SMARCC2: variants seen among roughly 807,000 people sequenced by gnomAD.
The protein encoded by SMARCC2 is SWI/SNF complex subunit SMARCC2.
Under a neutral mutation model 151.3 loss-of-function variants are expected in SMARCC2, and 15 were observed. The ratio of observed to expected loss-of-function variants is 0.10; its 90% CI spans 0.07 to 0.15. The LOEUF (loss-of-function observed/expected upper bound fraction) is 0.15, where lower values mean the gene tolerates loss of function less well. Among genes scored for constraint, SMARCC2 ranks in the 10% least tolerant of loss-of-function variants. SMARCC2 has a pLI of 1.00. For synonymous variants in SMARCC2, 590 were observed against 609.5 expected (o/e 0.97, Z 0.47); for missense variants, 1,031 against 1,599.7 (o/e 0.64, Z 6.06).
chr12:56,185,374 G>A, intron 3 of SMARCC2: 1 of 397,500 alleles, frequency 2.5e-6, no homozygotes, highest in Non-Finnish European at 4.8e-6. Context: ...GTAGAGACGA[G>A]GTTTCACCAT....
rs751478316 is a variant in SMARCC2 at position 56,181,978 on chromosome 12, GAAGAGGGGATAC to G, written c.708+14_708+25del. On this transcript the variant is annotated intron_variant, in intron 8 of 28. Transcript: ENST00000550164. The stretch of plus-strand genomic sequence containing the variant: ...GACTGTTCCTGGCATTCTTTTTGGG[GAAGAGGGGATAC>G]AAGAAAAGCTCACCTTCCTAGGTTT... 4 of 1,596,606 alleles carry G rather than the reference GAAGAGGGGATAC, an allele frequency of 2.5e-6. No individual in the cohort carries two copies. In the South Asian group the frequency reaches 4.4e-5, roughly 18 times the overall value.
At position 56,171,849 on chromosome 12, in the gene SMARCC2, C is replaced by A; in HGVS notation, c.2015G>T (p.Arg672Leu). The A allele has an allele frequency of 6.2e-7, 1 of 1,614,120 alleles. No homozygotes were observed. The highest frequency in any genetic ancestry group is 8.5e-7 in the Non-Finnish European group (1 of 1,179,990). ...TQDECILHFL[R>L]LPIEDPYLED... ...CAGGTATGGGTCTTCAATGGGAAGA[C>A]GAAGAAAATGCAAGATGCACTCGTC... The change falls in exon 21 of 29, where the codon CGT (arginine) becomes CTT (leucine). Residue 672 changes from arginine (R) to leucine (L), a missense_variant. By Grantham distance (102) the Arg-to-Leu change is moderately radical. Transcript: ENST00000550164. This position sits in a 1 kb window ranked among gnomAD's most constrained non-coding sequence, Gnocchi z 4.2.
chr12:56,181,095 T>G lies in SMARCC2; in HGVS notation c.963A>C (p.Ser321=). The G allele has an allele frequency of 1.2e-6, 2 of 1,611,856 alleles. No homozygotes were observed. ...CACGCTTTGACTTAGTGTAAGGTGT[T>G]GAGGGACTGGGAAGGAAAGAGAGTG... ...AKKKNAKKGP[S]TPYTKSKRGH... is the part of the protein sequence containing the mutation. The change falls in exon 11 of 29, where the codon TCA becomes TCC. Residue 321 remains serine, a synonymous_variant. Coordinates refer to ENST00000550164, the MANE Select transcript of SMARCC2 (RefSeq NM_001330288.2).
intron 11 of SMARCC2, among the ~76,000 whole-genome samples, chr12:56,180,408 C>CATG (rs1875948009): frequency 1.3e-5 from 2 of 149,458 alleles, no homozygotes; most frequent in African/African-American, 4.9e-5. Context: ...CGTGCCCGGC[C>CATG]CTTTTTTTTT....
chr12:56,181,582 A>C lies in SMARCC2; in HGVS notation c.856T>G (p.Ser286Ala), dbSNP rs1308568280. The C allele has an allele frequency of 6.2e-7, 1 of 1,600,250 alleles. No homozygotes were observed. The highest frequency in any genetic ancestry group is 8.5e-7 in the Non-Finnish European group (1 of 1,172,772). The part of the protein sequence containing the change: ...TLTDEVNSPD[S>A]DRRDKKGGNY... The stretch of plus-strand genomic sequence containing the variant: ...CCCCCCTTCTTGTCCCGTCGATCTG[A>C]ATCTGGGCTGTTCACCTATAGGATG... The change falls in exon 10 of 29, where the codon TCA (serine) becomes GCA (alanine). Residue 286 changes from serine (S) to alanine (A), a missense_variant. Coordinates refer to ENST00000550164, the MANE Select transcript of SMARCC2 (RefSeq NM_001330288.2).
rs764369547 is a variant in SMARCC2, at chr12:56,171,776, G to C, written c.2088C>G (p.Pro696=). Residue 696 remains proline, a synonymous_variant, in exon 21 of 29, where the codon CCC becomes CCG. Transcript: ENST00000550164. The surrounding 1 kb of genome is among the most constrained non-coding windows in gnomAD (Gnocchi z 4.2). ...TAACAGGGTTGCCCGACTGACTGAA[G>C]GGGATGGGTTGGTAGGCCAGGGGGC... is the stretch of plus-strand genomic sequence containing the variant. ...SLGPLAYQPI[P]FSQSGNPVMS... 6.2e-7 allele frequency: 1 copy of C among 1,613,404 alleles called. No homozygotes were observed. Among genetic ancestry groups the C allele is most frequent in the Non-Finnish European group, 8.5e-7 (1 of 1,179,620 alleles).
intron 17 of SMARCC2, 23 bp downstream of exon 17, chr12:56,173,673 A>G (rs1874382338): frequency 1.3e-6 from 2 of 1,557,496 alleles, no homozygotes; most frequent in African/African-American, 1.4e-5. Flanking sequence ...AACCCGCCCC[A>G]TCCCCATAGC....
intron 11 of SMARCC2, among the ~76,000 whole-genome samples, chr12:56,180,680 A>G (rs1178907936): frequency 1.3e-5 from 2 of 152,176 alleles, no homozygotes; most frequent in Admixed American, 1.3e-4. Flanking sequence ...CTGGGATTAC[A>G]GTCATAAGCC....
At chr12:56,185,373 A>G in intron 3 of SMARCC2, 1 of 399,484 alleles carries the variant, frequency 2.5e-6, no homozygotes, top group Middle Eastern at 7.7e-4. Flanking sequence ...AGTAGAGACG[A>G]GGTTTCACCA....
Position 56,171,542 on chromosome 12 carries a change from C to G in SMARCC2, c.2186-110G>C. On this transcript the variant is annotated intron_variant, in intron 21 of 28. Coordinates refer to ENST00000550164, the MANE Select transcript of SMARCC2 (RefSeq NM_001330288.2). The surrounding 1 kb of genome is among the most constrained non-coding windows in gnomAD (Gnocchi z 4.2). ...TGTCTTCATCTAAGCTAGTATGGAG[C>G]CTAGACAGGTGCCTGAGCTGAGGCC... The G allele has an allele frequency of 6.6e-7, 1 of 1,522,470 alleles. No homozygotes were observed. The highest frequency in any genetic ancestry group is 9.0e-7 in the Non-Finnish European group (1 of 1,115,576). 94.3% of individuals were successfully genotyped at this position (1,522,470 alleles called of 1,614,324 possible). A position where few individuals can be genotyped will look rare whatever the true frequency, so the allele number is the denominator to read the frequency against.
At chr12:56,178,951 C>T (rs1198710465) in intron 12 of SMARCC2, 46 bp downstream of exon 12, 2 of 1,606,424 alleles carry the variant, frequency 1.2e-6, no homozygotes, top group Admixed American at 3.3e-5. Flanking sequence ...TGAGCCCTCC[C>T]CTTCCCTTGG....
rs112114867 is a variant in SMARCC2, at chr12:56,185,335, C to T, written c.318-224G>A. On this transcript the variant is annotated intron_variant, in intron 3 of 28. Transcript: ENST00000550164. ...CTGGGACTATAGGCACACACCACCT[C>T]ACGTGGCTAATTTTTGTATTTTTAG... The T allele has an allele frequency of 3.0e-3, 1,482 of 490,636 alleles. 25 individuals carry two copies. Among genetic ancestry groups the T allele is most frequent in the African/African-American group, 0.027 (1,368 of 51,084 alleles). 30.4% of individuals were successfully genotyped at this position (490,636 alleles called of 1,614,324 possible).
intron 25 of SMARCC2, among the ~76,000 whole-genome samples, chr12:56,168,431 G>A (rs1020830772): frequency 3.3e-5 from 5 of 151,104 alleles, no homozygotes; most frequent in Admixed American, 6.6e-5. Flanking sequence ...CTGGAGTACA[G>A]TGGCATGATC....
At chr12:56,177,823 GC>G (rs1320088582) in intron 15 of SMARCC2, among the ~76,000 whole-genome samples, 198 bp downstream of exon 15, 2 of 152,202 alleles carry the variant, frequency 1.3e-5, no homozygotes, top group African/African-American at 4.8e-5. Flanking sequence ...TCACCCTTGG[GC>G]AAATCCTAAA....
In SMARCC2 at chr12:56,171,628, C is replaced by A. The variant is rs1021350642; in HGVS notation, c.2185+51G>T. ...GAGGATTCACAGTCTGAGTAACTAG[C>A]CCTTCAAAAGCAAACTAAGAAGGCC... On this transcript the variant is annotated intron_variant, in intron 21 of 28. Coordinates refer to ENST00000550164, the MANE Select transcript of SMARCC2 (RefSeq NM_001330288.2). This position sits in a 1 kb window ranked among gnomAD's most constrained non-coding sequence, Gnocchi z 4.2. 6.6e-7 allele frequency: 1 copy of A among 1,521,072 alleles called. No individual in the cohort carries two copies. Among genetic ancestry groups the A allele is most frequent in the Non-Finnish European group, 8.8e-7 (1 of 1,135,352 alleles). 94.2% of individuals were successfully genotyped at this position (1,521,072 alleles called of 1,614,324 possible).
chr12:56,171,087 C>T lies in SMARCC2; in HGVS notation c.2347+184G>A, dbSNP rs1385736603. 6.6e-6 allele frequency among the ~76,000 whole-genome samples: 1 copy of T among 152,200 alleles called. No individual in the cohort carries two copies. The highest frequency in any genetic ancestry group is 1.5e-5 in the Non-Finnish European group (1 of 68,042). On this transcript the variant is annotated intron_variant, in intron 22 of 28. Transcript: ENST00000550164. This position sits in a 1 kb window ranked among gnomAD's most constrained non-coding sequence, Gnocchi z 4.2. ...AAGCAAAGATTTTTCTACCCAAAAT[C>T]TTCATGAGAGGACTAGTAGGGCTCC... is the stretch of plus-strand genomic sequence containing the variant.
Position 56,181,063 on chromosome 12 carries a change from C to G in SMARCC2, c.995G>C (p.Arg332Thr). Residue 332 changes from arginine (R) to threonine (T), a missense_variant, in exon 11 of 29, where the codon AGA (arginine) becomes ACA (threonine). Arg to Thr is a moderately conservative substitution (Grantham distance 71, BLOSUM62 -1). This residue lies in a region of SMARCC2 where 127 missense variants were observed against 141.7 expected (regional missense o/e 0.90). Transcript: ENST00000550164. ...TPYTKSKRGH[R>T]EEEQEDLTKD... ...TGTCAGGTCTTCTTGCTCCTCTTCT[C>G]TGTGGCCACGCTTTGACTTAGTGTA... 6.2e-7 allele frequency: 1 copy of G among 1,613,970 alleles called. No individual in the cohort carries two copies. The highest frequency in any genetic ancestry group is 8.5e-7 in the Non-Finnish European group (1 of 1,179,958).
intron 7 of SMARCC2, 130 bp downstream of exon 7, chr12:56,183,731 T>G: frequency 1.6e-6 from 1 of 613,366 alleles, no homozygotes; most frequent in Non-Finnish European, 2.9e-6. Context: ...GTTCACTTAC[T>G]AGGTGAGAGG....
intron 3 of SMARCC2, chr12:56,185,374 G>C (rs1303145080): frequency 2.5e-6 from 1 of 397,382 alleles, no homozygotes; most frequent in African/African-American, 2.1e-5. Context: ...GTAGAGACGA[G>C]GTTTCACCAT....
Sources: allele counts gnomAD v4.1 joint callset (sites outside exome capture counted in the v4.1 genomes callset), GRCh38; gene constraint gnomAD v4.1.1; regional missense constraint gnomAD v4.1.1; non-coding constraint Gnocchi (gnomAD v3.1); transcripts MANE v1.5; gene names NCBI Gene and HGNC (gene_info 2026-07-23, HGNC 2026-07-21).